The following NCK2 variants were observed in gnomAD, a reference collection of about 807,000 sequenced individuals.
The protein encoded by NCK2 is NCK adaptor protein 2.
NCK2 carries 16 observed loss-of-function variants against 33.9 expected under a neutral mutation model. The observed-to-expected ratio is 0.47, with a 90% confidence interval of 0.32 to 0.72. The LOEUF (loss-of-function observed/expected upper bound fraction) is 0.72, where lower values mean the gene tolerates loss of function less well. NCK2 is among the 30% of genes least tolerant of loss of function. The probability of loss-of-function intolerance (pLI) is 0.03; values close to 1 mark genes in which losing one functional copy is unlikely to be tolerated. For missense variants in NCK2, 418 were observed against 537.3 expected (o/e 0.78, Z 2.19); for synonymous variants, 273 against 239.9 (o/e 1.14, Z -1.27).
At chr2:105,776,316 A>C (rs907712014) in intron 1 of NCK2, among the ~76,000 whole-genome samples, 2 of 152,224 alleles carry the variant, frequency 1.3e-5, no homozygotes, top group Non-Finnish European at 2.9e-5. Context: ...AAGTCCTCCA[A>C]ATATCTTAAC....
intron 1 of NCK2, among the ~76,000 whole-genome samples, chr2:105,778,435 G>T (rs1409421377): frequency 6.6e-6 from 1 of 152,206 alleles, no homozygotes; most frequent in Non-Finnish European, 1.5e-5. Flanking sequence ...GTGGGAAGTG[G>T]TGGTGTGTAA....
At chr2:105,756,068 C>T (rs1312057804) in intron 1 of NCK2, among the ~76,000 whole-genome samples, 1 of 152,182 alleles carries the variant, frequency 6.6e-6, no homozygotes, top group African/African-American at 2.4e-5. Context: ...TAGCATATGA[C>T]GTTGCTGTCT....
intron 1 of NCK2, among the ~76,000 whole-genome samples, chr2:105,814,912 A>G (rs1675426492): frequency 6.6e-6 from 1 of 152,232 alleles, no homozygotes; most frequent in African/African-American, 2.4e-5. Context: ...CCCAGTTAAA[A>G]TCTTAACAAC....
intron 1 of NCK2, among the ~76,000 whole-genome samples, chr2:105,814,559 T>A (rs989854487): frequency 6.6e-6 from 1 of 152,202 alleles, no homozygotes; most frequent in African/African-American, 2.4e-5. Flanking sequence ...GTAGAGAAGC[T>A]GCTCAGGCTT....
At chr2:105,811,840 A>G (rs1352790405) in intron 1 of NCK2, among the ~76,000 whole-genome samples, 2 of 152,072 alleles carry the variant, frequency 1.3e-5, no homozygotes, top group Non-Finnish European at 2.9e-5. Flanking sequence ...TACAGTTAAT[A>G]GGGGTTTCGC....
intron 3 of NCK2, 109 bp from the exon 4 acceptor site, chr2:105,881,219 G>C: frequency 7.0e-7 from 1 of 1,430,384 alleles, no homozygotes; most frequent in Non-Finnish European, 9.3e-7. Flanking sequence ...TCCATGTGTC[G>C]TCCCCTTGTA....
intron 1 of NCK2, among the ~76,000 whole-genome samples, chr2:105,757,060 C>G (rs771651864): frequency 2.6e-5 from 4 of 152,190 alleles, no homozygotes; most frequent in Non-Finnish European, 5.9e-5. Flanking sequence ...CTGCCTCGGC[C>G]TCCCAGAGTG....
intron 3 of NCK2, among the ~76,000 whole-genome samples, chr2:105,859,505 C>T (rs766006920): frequency 6.6e-6 from 1 of 152,156 alleles, no homozygotes; most frequent in Non-Finnish European, 1.5e-5. Context: ...CATGATCAGC[C>T]CCAGAACTCC....
intron 1 of NCK2, among the ~76,000 whole-genome samples, chr2:105,768,546 T>C (rs774521180): frequency 3.4e-4 from 52 of 152,342 alleles, no homozygotes; most frequent in Admixed American, 2.2e-3. Context: ...CTCACAGAAC[T>C]CAGAAAGGCA....
At chr2:105,882,133 TTGTG>T (rs1678529862) in intron 4 of NCK2, 84 bp downstream of exon 4, 6 of 1,363,300 alleles carry the variant, frequency 4.4e-6, no homozygotes, top group Admixed American at 3.3e-5. Context: ...CCTTTTCACA[TTGTG>T]TGAGTACACT....
intron 3 of NCK2, among the ~76,000 whole-genome samples, chr2:105,868,587 A>G (rs979102771): frequency 6.6e-6 from 1 of 152,218 alleles, no homozygotes; most frequent in Non-Finnish European, 1.5e-5. Context: ...AATGCTGCTA[A>G]TTGAAGTTGA....
chr2:105,804,075 G>T (rs367740675), intron 1 of NCK2, among the ~76,000 whole-genome samples: 1 of 151,970 alleles, frequency 6.6e-6, no homozygotes, highest in African/African-American at 2.4e-5. Flanking sequence ...CATTTTTTAC[G>T]GGGCAAATTA....
intron 1 of NCK2, among the ~76,000 whole-genome samples, chr2:105,784,233 T>G (rs959564263): frequency 6.6e-6 from 1 of 152,170 alleles, no homozygotes; most frequent in African/African-American, 2.4e-5. Flanking sequence ...CCTCCCAAAA[T>G]GCTGGGACTA....
intron 1 of NCK2, among the ~76,000 whole-genome samples, chr2:105,748,190 C>T (rs925965319): frequency 6.6e-6 from 1 of 152,192 alleles, no homozygotes; most frequent in African/African-American, 2.4e-5. Flanking sequence ...TGACCAGCCT[C>T]TGTGTTCCCT....
intron 1 of NCK2, among the ~76,000 whole-genome samples, chr2:105,781,136 C>T (rs1690482024): frequency 6.7e-6 from 1 of 149,910 alleles, no homozygotes; most frequent in South Asian, 2.1e-4. Context: ...TTTTACTTCT[C>T]TTCTTATAAA....
At chr2:105,890,151 G>A (rs3769493) in intron 4 of NCK2, among the ~76,000 whole-genome samples, 1 of 151,966 alleles carries the variant, frequency 6.6e-6, no homozygotes, top group Non-Finnish European at 1.5e-5. Context: ...ACTTTTAAAG[G>A]TTTCTGCTCA....
chr2:105,817,995 C>T (rs958117937), intron 2 of NCK2, among the ~76,000 whole-genome samples: 1 of 152,000 alleles, frequency 6.6e-6, no homozygotes, highest in African/African-American at 2.4e-5. Flanking sequence ...TTTATTGCAG[C>T]ACTACTCATA....
chr2:105,822,929 T>C (rs1015386355), intron 2 of NCK2, among the ~76,000 whole-genome samples: 3 of 151,990 alleles, frequency 2.0e-5, no homozygotes, highest in African/African-American at 7.3e-5. Context: ...CACCTGAATG[T>C]TGGATTCCAG....
chr2:105,842,075 A>AT (rs1676669568), intron 2 of NCK2, among the ~76,000 whole-genome samples: 1 of 151,630 alleles, frequency 6.6e-6, no homozygotes, highest in Non-Finnish European at 1.5e-5. Flanking sequence ...TAGTAATAGT[A>AT]TTTGTGGGGG....
Sources: gnomAD v4.1 joint callset for allele counts (sites outside exome capture counted in the v4.1 genomes callset) on GRCh38, gnomAD v4.1.1 for gene constraint, MANE v1.5 for transcripts, NCBI Gene and HGNC (gene_info 2026-07-23, HGNC 2026-07-21) for gene names.